The following EXD3 variants were observed in gnomAD, a reference collection of about 807,000 sequenced individuals.
The protein encoded by EXD3 is exonuclease 3'-5' domain containing 3.
Under a neutral mutation model 98.0 loss-of-function variants are expected in EXD3, and 92 were observed. The observed-to-expected ratio is 0.94, with a 90% CI of 0.79 to 1.12. EXD3 has a LOEUF of 1.12. Among genes scored for constraint, EXD3 ranks in the 50% most tolerant of loss-of-function variants. The pLI is 0.00. For missense variants in EXD3, 1,222 were observed against 1,191.6 expected (o/e 1.03, Z -0.38); for synonymous variants, 569 against 526.0 (o/e 1.08, Z -1.12).
intron 7 of EXD3, chr9:137,366,147 C>T (rs1271888233): frequency 2.9e-6 from 2 of 700,090 alleles, no homozygotes; most frequent in Admixed American, 4.0e-5. Flanking sequence ...ACACCAAGTG[C>T]TTCCAAAAAC....
At chr9:137,352,574 C>T (rs1459954793) in intron 11 of EXD3, 46 bp downstream of exon 11, 1 of 1,486,124 alleles carries the variant, frequency 6.7e-7, no homozygotes, top group South Asian at 1.3e-5. Flanking sequence ...AGGGGCCACC[C>T]TGGGCGGAAC....
At chr9:137,344,586 G>A (rs188552063) in intron 17 of EXD3, among the ~76,000 whole-genome samples, 37 of 152,340 alleles carry the variant, frequency 2.4e-4, no homozygotes, top group Admixed American at 9.2e-4. Flanking sequence ...CTCCTGCACA[G>A]ATACACACTC....
intron 2 of EXD3, among the ~76,000 whole-genome samples, chr9:137,394,882 A>G (rs1160845880): frequency 1.3e-5 from 2 of 152,118 alleles, no homozygotes; most frequent in Non-Finnish European, 2.9e-5. Flanking sequence ...CCGAGACCCA[A>G]GAGGCTGTGG....
chr9:137,403,744 TTCCAAGGGC>T lies in EXD3; in HGVS notation c.-47-8349_-47-8341del, dbSNP rs1056910034. On this transcript the variant is annotated intron_variant, in intron 1 of 21. Transcript: ENST00000340951. The surrounding 1 kb of genome is among the most constrained non-coding windows in gnomAD (Gnocchi z 6.1). ...CAGCCACGCAGAGCCCACCGCCAGCTTCCAAGGGCTCCAGAAAGTGGTCGCTGCCCTTCT... is the reference window on the plus strand; with the variant it reads ...CAGCCACGCAGAGCCCACCGCCAGCTTCCAGAAAGTGGTCGCTGCCCTTCT... Among the ~76,000 whole-genome samples, 1 of 152,154 alleles carries T rather than the reference TTCCAAGGGC, an allele frequency of 6.6e-6. No individual in the cohort carries two copies. Among genetic ancestry groups the T allele is most frequent in the African/African-American group, 2.4e-5 (1 of 41,434 alleles).
At chr9:137,321,795 G>A (rs11534411) in intron 19 of EXD3, among the ~76,000 whole-genome samples, 41,267 of 152,038 alleles carry the variant, frequency 0.27, 5,865 homozygotes, top group East Asian at 0.35. Flanking sequence ...GAAGCAGCCC[G>A]TACCCTCCAC....
intron 2 of EXD3, among the ~76,000 whole-genome samples, chr9:137,390,683 C>A (rs1036166655): frequency 5.3e-5 from 8 of 152,256 alleles, no homozygotes; most frequent in Admixed American, 3.9e-4. Context: ...TTTTATGAGG[C>A]CAGCTGTGAC....
At chr9:137,401,450 C>T (rs573736208) in intron 1 of EXD3, among the ~76,000 whole-genome samples, 92 of 152,132 alleles carry the variant, frequency 6.0e-4, no homozygotes, top group Admixed American at 2.2e-3. Context: ...CCACCGTGCC[C>T]GGCCCCCACC....
intron 17 of EXD3, among the ~76,000 whole-genome samples, chr9:137,340,098 A>G (rs1833567188): frequency 6.6e-6 from 1 of 152,192 alleles, no homozygotes; most frequent in Admixed American, 6.5e-5. Flanking sequence ...TAAAACCCAC[A>G]CGATTTATAA....
At chr9:137,355,223 C>T (rs73581571) in intron 8 of EXD3, among the ~76,000 whole-genome samples, 4 of 151,970 alleles carry the variant, frequency 2.6e-5, no homozygotes, top group Non-Finnish European at 5.9e-5. Flanking sequence ...CACCTCCATA[C>T]TCCACTCCAG....
At chr9:137,404,335 A>G (rs1269110848) in intron 1 of EXD3, among the ~76,000 whole-genome samples, 1 of 152,130 alleles carries the variant, frequency 6.6e-6, no homozygotes. Context: ...GGAGCCCACA[A>G]GGCCTCTGCA....
At chr9:137,329,247 A>G (rs1217765775) in intron 17 of EXD3, among the ~76,000 whole-genome samples, 1 of 4,600 alleles carries the variant, frequency 2.2e-4, no homozygotes, top group Non-Finnish European at 3.1e-4. Flanking sequence ...GCTACACGGG[A>G]GCTACACGGG....
intron 3 of EXD3, among the ~76,000 whole-genome samples, chr9:137,379,164 T>G (rs28479034): frequency 2.5e-4 from 6 of 23,672 alleles, no homozygotes; most frequent in East Asian, 1.5e-3. Flanking sequence ...ACGGTGACCG[T>G]TGCCTGGGGC....
chr9:137,320,366 G>A (rs1831967494), intron 19 of EXD3, among the ~76,000 whole-genome samples: 1 of 152,222 alleles, frequency 6.6e-6, no homozygotes, highest in South Asian at 2.1e-4. Flanking sequence ...TTCCCTCACT[G>A]CCTTGGTCCT....
At position 137,405,053 on chromosome 9, in the gene EXD3, T is replaced by G. The variant is rs1837650774; in HGVS notation, c.-47-9649A>C. Among the ~76,000 whole-genome samples, 1 of 152,062 alleles carries G rather than the reference T, an allele frequency of 6.6e-6. No individual in the cohort carries two copies. Among genetic ancestry groups the G allele is most frequent in the East Asian group, 1.9e-4 (1 of 5,180 alleles). On this transcript the variant is annotated intron_variant, in intron 1 of 21. Transcript: ENST00000340951. The surrounding 1 kb of genome is among the most constrained non-coding windows in gnomAD (Gnocchi z 4.1). ...GGGTGCTGGGAGGGGACACGTGCTG[T>G]CTCACAGGTGAGCCAGGGGCTGGGA...
chr9:137,414,788 G>A (rs1345801457), intron 1 of EXD3, among the ~76,000 whole-genome samples: 4 of 152,296 alleles, frequency 2.6e-5, no homozygotes, highest in South Asian at 4.1e-4. Flanking sequence ...GTCCCACACC[G>A]CCACTCCAGG....
At chr9:137,381,960 G>A (rs960698678) in intron 3 of EXD3, among the ~76,000 whole-genome samples, 19 of 151,026 alleles carry the variant, frequency 1.3e-4, no homozygotes, top group Admixed American at 3.3e-4. Context: ...AGGTGAGGGC[G>A]CAGGGAGGAG....
rs922588610 is a variant in EXD3, at chr9:137,351,138, A to T, written c.1394T>A (p.Met465Lys). The T allele has an allele frequency of 1.3e-6, 2 of 1,575,804 alleles. No individual in the cohort carries two copies. The highest frequency in any genetic ancestry group is 2.3e-5 in the South Asian group (2 of 86,018). ...DPSITKLGYG[M>K]VGDLQKLGTS... The stretch of plus-strand genomic sequence containing the variant: ...GCCCAGTTTTTGCAGGTCCCCCACC[A>T]TCCCGTAGCCTGTGGGCAGGAACCA... Residue 465 changes from methionine (M) to lysine (K), a missense_variant, in exon 14 of 22, where the codon ATG becomes AAG. Transcript: ENST00000340951.
intron 3 of EXD3, among the ~76,000 whole-genome samples, chr9:137,376,343 CAAAAAAAA>C (rs765888922): frequency 0.027 from 1,084 of 39,974 alleles, 8 homozygotes; most frequent in Non-Finnish European, 0.041. Context: ...GACTCTGTCT[CAAAAAAAA>C]AAAAAAAAAA....
chr9:137,420,630 T>A (rs1838466631), intron 1 of EXD3, among the ~76,000 whole-genome samples: 1 of 152,086 alleles, frequency 6.6e-6, no homozygotes, highest in East Asian at 1.9e-4. Context: ...GTGCCCTGTT[T>A]ACATAGTTCC....
Sources: allele counts gnomAD v4.1 joint callset (sites outside exome capture counted in the v4.1 genomes callset), GRCh38; gene constraint gnomAD v4.1.1; non-coding constraint Gnocchi (gnomAD v3.1); transcripts MANE v1.5; gene names NCBI Gene and HGNC (gene_info 2026-07-23, HGNC 2026-07-21).